The following PECR variants were observed in gnomAD, a reference collection of about 807,000 sequenced individuals.
The protein encoded by PECR is 2,4-dienoyl-CoA reductase-related protein.
In PECR, 30 loss-of-function variants were observed where a neutral mutation model predicts 35.3. The ratio of observed to expected loss-of-function variants is 0.85; its 90% CI spans 0.64 to 1.15. The LOEUF (loss-of-function observed/expected upper bound fraction) is 1.15. PECR is among the 50% of genes most tolerant of loss of function. The pLI is 0.00. For synonymous variants in PECR, 148 were observed against 138.9 expected (o/e 1.07, Z -0.46); for missense variants, 392 against 370.8 (o/e 1.06, Z -0.47).
At chr2:216,038,378 C>G (rs956548706), downstream of PECR, 1 of 152,156 alleles carries the variant, frequency 6.6e-6, no homozygotes, top group Non-Finnish European at 1.5e-5. Context: ...AAATCAGGCA[C>G]TGCCAAAAAT....
intron 7 of PECR, among the ~76,000 whole-genome samples, chr2:216,041,256 C>A (rs745512257): frequency 2.6e-5 from 4 of 152,178 alleles, no homozygotes; most frequent in Non-Finnish European, 2.9e-5. Context: ...ATTTCTTTCC[C>A]TTCTAAAGGT....
intron 6 of PECR, among the ~76,000 whole-genome samples, chr2:216,047,474 C>G (rs182039478): frequency 6.6e-6 from 1 of 152,074 alleles, no homozygotes; most frequent in African/African-American, 2.4e-5. Context: ...TATTACTAAA[C>G]GGCCAAATGC....
intron 1 of PECR, among the ~76,000 whole-genome samples, chr2:216,068,124 G>A (rs1266026496): frequency 6.6e-6 from 1 of 150,704 alleles, no homozygotes; most frequent in Non-Finnish European, 1.5e-5. Context: ...CTACTCAGGA[G>A]GCTGAGGCAG....
chr2:216,076,753 T>C (rs1207608435), intron 1 of PECR, among the ~76,000 whole-genome samples: 1 of 151,476 alleles, frequency 6.6e-6, no homozygotes, highest in African/African-American at 2.4e-5. Flanking sequence ...TGAGCTGCTG[T>C]CAAGCCACTG....
intron 7 of PECR, among the ~76,000 whole-genome samples, chr2:216,033,232 C>T (rs1310508312): frequency 2.0e-5 from 3 of 152,272 alleles, no homozygotes; most frequent in Middle Eastern, 3.4e-3. Context: ...CCCCTTCCTC[C>T]ATTTTTTTAA....
chr2:216,033,450 T>G (rs1404141432), downstream of PECR, among the ~76,000 whole-genome samples: 1 of 152,054 alleles, frequency 6.6e-6, no homozygotes, highest in Non-Finnish European at 1.5e-5. Context: ...CTCTAAAATC[T>G]GTACTTCATG....
intron 1 of PECR, among the ~76,000 whole-genome samples, chr2:216,076,200 T>G (rs1286435007): frequency 6.6e-6 from 1 of 152,222 alleles, no homozygotes; most frequent in Non-Finnish European, 1.5e-5. Context: ...TTTTTTCTTC[T>G]CTTTTCTTTT....
intron 7 of PECR, among the ~76,000 whole-genome samples, chr2:216,029,246 G>A (rs926323098): frequency 6.6e-6 from 1 of 152,208 alleles, no homozygotes; most frequent in East Asian, 1.9e-4. Flanking sequence ...TTGGGAGGCT[G>A]AGGCAGGCAG....
intron 4 of PECR, among the ~76,000 whole-genome samples, chr2:216,056,057 T>C (rs897266908): frequency 6.6e-6 from 1 of 152,184 alleles, no homozygotes; most frequent in Non-Finnish European, 1.5e-5. Flanking sequence ...TTTACTGGAA[T>C]ATCCAACACC....
intron 7 of PECR, among the ~76,000 whole-genome samples, chr2:216,040,494 T>C (rs1318721460): frequency 6.6e-6 from 1 of 152,142 alleles, no homozygotes; most frequent in Non-Finnish European, 1.5e-5. Flanking sequence ...GATCAAGCAA[T>C]TGGCCCACCT....
chr2:216,044,984 G>T (rs914204925), intron 6 of PECR, among the ~76,000 whole-genome samples: 7 of 152,164 alleles, frequency 4.6e-5, no homozygotes, highest in Admixed American at 6.5e-5. Flanking sequence ...TCTGGGGTTG[G>T]GGTCCCAGAA....
chr2:216,057,732 T>C (rs1695257552), intron 4 of PECR: 1 of 152,152 alleles, frequency 6.6e-6, no homozygotes, highest in African/African-American at 2.4e-5. Flanking sequence ...TCAGTCCATG[T>C]CTGAGCGATG....
At chr2:216,054,791 T>TA (rs1431115569) in intron 4 of PECR, among the ~76,000 whole-genome samples, 3 of 152,184 alleles carry the variant, frequency 2.0e-5, no homozygotes, top group African/African-American at 7.2e-5. Flanking sequence ...GGTCATTAGT[T>TA]AAAAAATGAA....
At chr2:216,030,256 C>T (rs1452048012) in intron 7 of PECR, among the ~76,000 whole-genome samples, 1 of 152,086 alleles carries the variant, frequency 6.6e-6, no homozygotes, top group African/African-American at 2.4e-5. Flanking sequence ...TCAAAATAAT[C>T]TCTTCATTGT....
chr2:216,047,245 T>C (rs1695013778), intron 6 of PECR, among the ~76,000 whole-genome samples: 1 of 142,758 alleles, frequency 7.0e-6, no homozygotes, highest in Non-Finnish European at 1.5e-5. Flanking sequence ...GCAAGAAGAG[T>C]GTAACTTCGT....
At position 216,081,611 on chromosome 2, in the gene PECR, C is replaced by A; in HGVS notation, c.124+7G>T. 1 of 1,613,764 alleles carries A rather than the reference C, an allele frequency of 6.2e-7. No individual in the cohort carries two copies. Among genetic ancestry groups the A allele is most frequent in the Non-Finnish European group, 8.5e-7 (1 of 1,179,948 alleles). Reference sequence around the variant, plus strand: ...CACCTCTCTGCACCAGCGGCCCGCTCACGTACCCAGCTCCAGGAGCTCCTT... The same window carrying A: ...CACCTCTCTGCACCAGCGGCCCGCTAACGTACCCAGCTCCAGGAGCTCCTT... On this transcript the variant is annotated splice_region_variant and intron_variant, in intron 1 of 7. Coordinates refer to ENST00000265322, the MANE Select transcript of PECR (RefSeq NM_018441.6).
intron 7 of PECR, among the ~76,000 whole-genome samples, chr2:216,033,200 T>G (rs927654407): frequency 6.6e-6 from 1 of 152,180 alleles, no homozygotes; most frequent in Non-Finnish European, 1.5e-5. Context: ...ATTACCATGT[T>G]GCCAATCTCA....
rs1183603525 is a variant in PECR, at chr2:216,066,501, C to T, written c.142G>A (p.Ala48Thr). Residue 48 changes from alanine (A) to threonine (T), a missense_variant, in exon 2 of 8, where the codon GCA (alanine) becomes ACA (threonine). By Grantham distance (58) the Ala-to-Thr change is moderately conservative. Transcript: ENST00000265322. ...TTCAATCTCTCCAACTTACGGGATG[C>T]AATGACCACATTACTCCCTGAGGAG... ...LLELGSNVVI[A>T]SRKLERLKSA... The T allele has an allele frequency of 6.2e-7, 1 of 1,613,888 alleles. No homozygotes were observed. The highest frequency in any genetic ancestry group is 2.2e-5 in the East Asian group (1 of 44,880).
At chr2:216,055,385 T>C (rs2105953932) in intron 4 of PECR, among the ~76,000 whole-genome samples, 1 of 148,664 alleles carries the variant, frequency 6.7e-6, no homozygotes, top group African/African-American at 2.5e-5. Context: ...TGTGGTGAGC[T>C]GCGATAGTGC....
Sources: allele counts gnomAD v4.1 joint callset (sites outside exome capture counted in the v4.1 genomes callset), GRCh38; gene constraint gnomAD v4.1.1; transcripts MANE v1.5; gene names NCBI Gene and HGNC (gene_info 2026-07-23, HGNC 2026-07-21).